Variants in DPP6 observed in about 807,000 individuals in gnomAD.
DPP6 encodes dipeptidyl peptidase like 6.
Under a neutral mutation model 122.6 loss-of-function variants are expected in DPP6, and 69 were observed. The ratio of observed to expected loss-of-function variants is 0.56; its 90% confidence interval spans 0.46 to 0.69. DPP6 has a LOEUF of 0.69. DPP6 is among the 30% of genes least tolerant of loss of function. DPP6 has a pLI of 0.00. For synonymous variants in DPP6, 418 were observed against 433.1 expected, an observed-to-expected ratio of 0.97 and a Z score of 0.43; for missense variants, 928 against 1,116.9, an observed-to-expected ratio of 0.83 and a Z score of 2.41.
chr7:154,757,071 G>A (rs1052352427), intron 8 of DPP6, among the ~76,000 whole-genome samples: 6 of 143,202 alleles, frequency 4.2e-5, no homozygotes, highest in South Asian at 2.2e-4. Flanking sequence ...CATCCCTCAC[G>A]GCCCCTGAAG....
intron 16 of DPP6, among the ~76,000 whole-genome samples, chr7:154,827,559 A>G (rs2150512122): frequency 6.6e-6 from 1 of 151,404 alleles, no homozygotes; most frequent in South Asian, 2.1e-4. Flanking sequence ...GGGAAATCAG[A>G]GCCTAAGAGT....
At chr7:154,014,832 C>T (rs1353994019) in intron 1 of DPP6, among the ~76,000 whole-genome samples, 2 of 151,854 alleles carry the variant, frequency 1.3e-5, no homozygotes, top group Admixed American at 1.3e-4. Flanking sequence ...AATCCTGGTT[C>T]TAAAGAATTG....
intron 1 of DPP6, among the ~76,000 whole-genome samples, chr7:154,159,730 A>G (rs1261474916): frequency 6.6e-6 from 1 of 152,296 alleles, no homozygotes; most frequent in Non-Finnish European, 1.5e-5. Context: ...AAGCGCTACA[A>G]ATACAGGGTC....
At chr7:154,879,820 T>G (rs1805234478) in intron 20 of DPP6, among the ~76,000 whole-genome samples, 1 of 152,064 alleles carries the variant, frequency 6.6e-6, no homozygotes. Flanking sequence ...ATGCTGAGAG[T>G]TATGGCTCTT....
At chr7:153,991,081 T>G (rs907609600) in intron 1 of DPP6, among the ~76,000 whole-genome samples, 3 of 152,254 alleles carry the variant, frequency 2.0e-5, no homozygotes, top group South Asian at 2.1e-4. Flanking sequence ...TGGAAGCAAA[T>G]GCCGAGAAGA....
intron 10 of DPP6, among the ~76,000 whole-genome samples, chr7:154,782,035 G>A (rs1323999289): frequency 1.3e-5 from 2 of 152,156 alleles, no homozygotes; most frequent in African/African-American, 2.4e-5. Context: ...ATGTAATAAC[G>A]TTTCCTCAGC....
intron 1 of DPP6, among the ~76,000 whole-genome samples, chr7:154,214,963 C>T (rs1463221826): frequency 3.9e-5 from 6 of 152,142 alleles, no homozygotes; most frequent in Admixed American, 2.0e-4. Context: ...CCTTGATGCA[C>T]TCTTTCCTAG....
intron 8 of DPP6, among the ~76,000 whole-genome samples, chr7:154,759,527 C>T (rs1431972132): frequency 6.6e-6 from 1 of 152,232 alleles, no homozygotes; most frequent in Non-Finnish European, 1.5e-5. Flanking sequence ...GTCTTTCCTT[C>T]CGCTTCCCTC....
intron 6 of DPP6, among the ~76,000 whole-genome samples, chr7:154,654,480 G>A (rs1405932938): frequency 1.4e-4 from 16 of 111,110 alleles, no homozygotes; most frequent in Admixed American, 1.2e-3. Flanking sequence ...GTGCAGTGAC[G>A]TGATCTCGGC....
At chr7:153,831,234 A>G in the DPP6 span, among the ~76,000 whole-genome samples, 1 of 152,360 alleles carries the variant, frequency 6.6e-6, no homozygotes, top group African/African-American at 2.4e-5. Context: ...CAACAATAAC[A>G]GTGGCAAACA....
At chr7:154,840,741 T>C (rs1280499959) in intron 16 of DPP6, among the ~76,000 whole-genome samples, 1 of 152,186 alleles carries the variant, frequency 6.6e-6, no homozygotes, top group Non-Finnish European at 1.5e-5. Context: ...ATTACCAAAC[T>C]TCATTTCAAT....
intron 1 of DPP6, among the ~76,000 whole-genome samples, chr7:154,316,334 C>T (rs1037418678): frequency 4.6e-5 from 7 of 152,150 alleles, no homozygotes; most frequent in African/African-American, 1.7e-4. Flanking sequence ...TGATTCATCT[C>T]CATAAGATAA....
chr7:153,818,884 T>C, the DPP6 span, among the ~76,000 whole-genome samples: 1 of 151,788 alleles, frequency 6.6e-6, no homozygotes, highest in Non-Finnish European at 1.5e-5. Flanking sequence ...CCCAAGTAGC[T>C]GGGATTACAG....
At chr7:154,249,748 T>C (rs74352422) in intron 1 of DPP6, among the ~76,000 whole-genome samples, 5,683 of 152,218 alleles carry the variant, frequency 0.037, 189 homozygotes, top group East Asian at 0.13. Context: ...ACTATACACA[T>C]ATGCACACAA....
chr7:153,869,345 G>C, the DPP6 span, among the ~76,000 whole-genome samples: 1 of 152,142 alleles, frequency 6.6e-6, no homozygotes, highest in Non-Finnish European at 1.5e-5. Context: ...CCTGTATTGG[G>C]TGCATATGTA....
chr7:153,794,506 C>T, the DPP6 span, among the ~76,000 whole-genome samples: 3 of 152,136 alleles, frequency 2.0e-5, no homozygotes, highest in African/African-American at 4.8e-5. Flanking sequence ...AGTTAACTAG[C>T]TTACTTTTGA....
At chr7:154,015,155 C>T (rs1798343197) in intron 1 of DPP6, among the ~76,000 whole-genome samples, 1 of 152,054 alleles carries the variant, frequency 6.6e-6, no homozygotes, top group Non-Finnish European at 1.5e-5. Flanking sequence ...CTCCTCACCA[C>T]TTTTATGGCC....
At chr7:154,751,554 G>A (rs1843386071) in intron 8 of DPP6, among the ~76,000 whole-genome samples, 1 of 149,454 alleles carries the variant, frequency 6.7e-6, no homozygotes, top group Non-Finnish European at 1.5e-5. Context: ...AGGTTGCAAT[G>A]AGCTGAGATC....
chr7:154,204,281 T>C (rs2150792293), intron 1 of DPP6, among the ~76,000 whole-genome samples: 1 of 152,326 alleles, frequency 6.6e-6, no homozygotes, highest in South Asian at 2.1e-4. Flanking sequence ...GGGCCAAATA[T>C]GCATTAGTGA....
Sources: gnomAD v4.1 joint callset for allele counts (sites outside exome capture counted in the v4.1 genomes callset) on GRCh38, gnomAD v4.1.1 for gene constraint, MANE v1.5 for transcripts, NCBI Gene and HGNC (gene_info 2026-07-23, HGNC 2026-07-21) for gene names.